Variants in ACTR2 observed in about 807,000 individuals in gnomAD.
The protein encoded by ACTR2 is actin-related protein 2.
In ACTR2, 5 loss-of-function variants were observed where a neutral mutation model predicts 50.2. The ratio of observed to expected loss-of-function variants is 0.10; its 90% CI spans 0.05 to 0.21. The LOEUF is 0.21. Ranked by LOEUF, ACTR2 falls within the 10% of genes least tolerant of loss-of-function variation. The probability of loss-of-function intolerance (pLI) is 1.00; values close to 1 mark genes in which losing one functional copy is unlikely to be tolerated. For synonymous variants in ACTR2, 140 were observed against 162.9 expected (o/e 0.86, Z 1.07); for missense variants, 180 against 480.6 (o/e 0.37, Z 5.85).
intron 2 of ACTR2, among the ~76,000 whole-genome samples, chr2:65,245,277 T>C (rs1437122018): frequency 6.6e-6 from 1 of 152,082 alleles, no homozygotes; most frequent in Non-Finnish European, 1.5e-5. Flanking sequence ...CCCAACACTT[T>C]GGGAGGCCGA....
At chr2:65,237,854 C>T (rs916022574) in intron 1 of ACTR2, among the ~76,000 whole-genome samples, 9 of 152,222 alleles carry the variant, frequency 5.9e-5, no homozygotes, top group African/African-American at 1.2e-4. Context: ...GTGAGGTACA[C>T]CTGTAGTCCC....
intron 8 of ACTR2, 73 bp downstream of exon 8, chr2:65,265,248 C>CTTG: frequency 3.2e-6 from 5 of 1,552,538 alleles, no homozygotes; most frequent in Non-Finnish European, 3.6e-6. Context: ...ATCTTGACAA[C>CTTG]CACCAGAGGG....
intron 5 of ACTR2, among the ~76,000 whole-genome samples, chr2:65,254,884 G>A (rs772971573): frequency 5.9e-5 from 9 of 152,048 alleles, no homozygotes; most frequent in Admixed American, 2.6e-4. Flanking sequence ...AATTCAAAGC[G>A]TAACTAACAG....
chr2:65,268,637 A>C lies in ACTR2; in HGVS notation c.1088A>C (p.Asp363Ala). The C allele has an allele frequency of 6.2e-7, 1 of 1,614,170 alleles. No homozygotes were observed. The highest frequency in any genetic ancestry group is 8.5e-7 in the Non-Finnish European group (1 of 1,180,012). The change falls in exon 9 of 9, where the codon GAT becomes GCT. Residue 363 changes from aspartate to alanine, a missense_variant. Physicochemically the swap from Asp to Ala is moderately radical, Grantham distance 126. Coordinates refer to ENST00000260641, the MANE Select transcript of ACTR2 (RefSeq NM_005722.4). ...MVFLGGAVLA[D>A]IMKDKDNFWM... The stretch of plus-strand genomic sequence containing the variant: ...TTCCTGGGTGGTGCAGTTCTAGCGG[A>C]TATCATGAAAGACAAAGACAACTTT...
intron 4 of ACTR2, among the ~76,000 whole-genome samples, 166 bp from the exon 5 acceptor site, chr2:65,253,562 G>A (rs1276806739): frequency 6.6e-6 from 1 of 152,014 alleles, no homozygotes; most frequent in Non-Finnish European, 1.5e-5. Context: ...GAGAACACTC[G>A]CTTTAATACT....
At chr2:65,242,013 TTCTC>T in intron 2 of ACTR2, 1 of 1,606,114 alleles carries the variant, frequency 6.2e-7, no homozygotes, top group Non-Finnish European at 8.5e-7. Flanking sequence ...TACTTCTACC[TTCTC>T]TCTCTTCACC....
At chr2:65,267,907 G>A (rs1158171464) in intron 8 of ACTR2, among the ~76,000 whole-genome samples, 2 of 95,090 alleles carry the variant, frequency 2.1e-5, no homozygotes, top group Non-Finnish European at 4.1e-5. Flanking sequence ...GAGTCTCTGG[G>A]CTCACTGCAA....
At chr2:65,240,372 A>G (rs940197808) in intron 2 of ACTR2, among the ~76,000 whole-genome samples, 2 of 152,062 alleles carry the variant, frequency 1.3e-5, no homozygotes, top group African/African-American at 2.4e-5. Flanking sequence ...TCATGTTTTT[A>G]TGGCCTGATC....
At chr2:65,253,610 A>G in intron 4 of ACTR2, 118 bp from the exon 5 acceptor site, 3 of 985,130 alleles carry the variant, frequency 3.0e-6, no homozygotes, top group Non-Finnish European at 4.6e-6. Flanking sequence ...ACTAAATAAT[A>G]AATTCTGGCT....
intron 1 of ACTR2, among the ~76,000 whole-genome samples, chr2:65,237,552 A>G (rs1671763095): frequency 1.3e-5 from 2 of 152,126 alleles, no homozygotes; most frequent in Non-Finnish European, 2.9e-5. Flanking sequence ...TAAACAGACT[A>G]TACAAGAATT....
chr2:65,244,407 G>A (rs953787556), intron 2 of ACTR2, among the ~76,000 whole-genome samples: 1 of 152,146 alleles, frequency 6.6e-6, no homozygotes, highest in Non-Finnish European at 1.5e-5. Flanking sequence ...TTAAGAAAAT[G>A]TAGCAATATT....
chr2:65,227,896 TC>T lies in ACTR2; in HGVS notation c.-11del. 1 of 1,516,668 alleles carries T rather than the reference TC, an allele frequency of 6.6e-7. No individual in the cohort carries two copies. The highest frequency in any genetic ancestry group is 1.2e-5 in the South Asian group (1 of 81,426). The allele number at this position is 1,516,668 out of a possible 1,614,324, so 94.0% of individuals were successfully genotyped here. On this transcript the variant is annotated 5_prime_UTR_variant, in exon 1 of 9. Coordinates refer to ENST00000260641, the MANE Select transcript of ACTR2 (RefSeq NM_005722.4). ...TAGGTTGTGCGGCTGCAGCGGCTCT[TC>T]CCTGGGCGGACGATGGACAGCCAGG...
intron 4 of ACTR2, among the ~76,000 whole-genome samples, chr2:65,252,223 T>G (rs1235053845): frequency 6.6e-6 from 1 of 151,776 alleles, no homozygotes; most frequent in African/African-American, 2.4e-5. Context: ...TGGTGTGAAT[T>G]CCTCCTTTTT....
chr2:65,242,154 G>A, intron 2 of ACTR2: 1 of 884,156 alleles, frequency 1.1e-6, no homozygotes, highest in South Asian at 1.6e-5. Flanking sequence ...GTATTGGGGA[G>A]GGGGGGTTAT....
chr2:65,258,120 GTCT>G (rs1436746677), intron 6 of ACTR2, among the ~76,000 whole-genome samples: 1 of 152,156 alleles, frequency 6.6e-6, no homozygotes, highest in Non-Finnish European at 1.5e-5. Flanking sequence ...CCTTCCTGAA[GTCT>G]TCTTGACAGT....
At chr2:65,253,362 GAA>G (rs1672088453) in intron 4 of ACTR2, among the ~76,000 whole-genome samples, 1 of 151,648 alleles carries the variant, frequency 6.6e-6, no homozygotes, top group Non-Finnish European at 1.5e-5. Flanking sequence ...GGTATGACTT[GAA>G]CCCAGGAAAT....
Position 65,251,012 on chromosome 2 carries a change from T to C in ACTR2, c.376-15T>C, listed in dbSNP as rs1672038757. ...TTCTAAATACCAGTTTTTTTCTTTC[T>C]GTCTGCATTTACAGGTAATGTTTGA... On this transcript the variant is annotated splice_polypyrimidine_tract_variant and intron_variant, in intron 3 of 8. Coordinates refer to ENST00000260641, the MANE Select transcript of ACTR2 (RefSeq NM_005722.4). 1.3e-6 allele frequency: 2 copies of C among 1,574,736 alleles called. No individual in the cohort carries two copies. The highest frequency in any genetic ancestry group is 1.7e-6 in the Non-Finnish European group (2 of 1,160,278).
intron 5 of ACTR2, among the ~76,000 whole-genome samples, chr2:65,254,533 T>C (rs962644682): frequency 2.0e-5 from 3 of 152,354 alleles, no homozygotes; most frequent in Non-Finnish European, 4.4e-5. Context: ...GAAAATTGTT[T>C]ATACCACAAT....
intron 6 of ACTR2, among the ~76,000 whole-genome samples, chr2:65,259,421 CA>C (rs982561147): frequency 7.9e-5 from 12 of 151,138 alleles, no homozygotes; most frequent in African/African-American, 2.2e-4. Context: ...GACCCTATCT[CA>C]AAAAAAATAT....
Sources: gnomAD v4.1 joint callset for allele counts (sites outside exome capture counted in the v4.1 genomes callset) on GRCh38, gnomAD v4.1.1 for gene constraint, MANE v1.5 for transcripts, NCBI Gene and HGNC (gene_info 2026-07-23, HGNC 2026-07-21) for gene names.